The following LMO4 variants were observed in gnomAD, a reference collection of about 807,000 sequenced individuals.
The protein encoded by LMO4 is LIM domain transcription factor LMO4.
LMO4 carries 3 observed loss-of-function variants against 18.5 expected under a neutral mutation model. The ratio of observed to expected loss-of-function variants is 0.16; its 90% CI spans 0.07 to 0.42. The LOEUF (loss-of-function observed/expected upper bound fraction) is 0.42. Ranked by LOEUF, LMO4 falls within the 10% of genes least tolerant of loss-of-function variation. The pLI is 0.99. For missense variants in LMO4, 121 were observed against 219.9 expected (o/e 0.55, Z 2.84); for synonymous variants, 100 against 88.1 (o/e 1.14, Z -0.76).
chr1:87,344,405 TC>T (rs1650573206), intron 4 of LMO4, among the ~76,000 whole-genome samples: 1 of 152,188 alleles, frequency 6.6e-6, no homozygotes, highest in African/African-American at 2.4e-5. Flanking sequence ...ACCCAAAACT[TC>T]CTAGGTAGGA....
intron 2 of LMO4, among the ~76,000 whole-genome samples, chr1:87,334,699 G>A (rs1650247854): frequency 6.6e-6 from 1 of 152,084 alleles, no homozygotes; most frequent in Admixed American, 6.5e-5. Context: ...GGGAAAGGCC[G>A]GCCTGAGCGC....
At position 87,345,032 on chromosome 1, in the gene LMO4, G is replaced by GA. The variant is rs943594021; in HGVS notation, c.*242dup. ...GCTAATGGGAGACTGTAGAGAAAAT[G>GA]AAAAAAGATCCACCAGAGGACATCT... On this transcript the variant is annotated 3_prime_UTR_variant, in exon 5 of 5. Transcript: ENST00000370544. 6 of 151,402 alleles carry GA rather than the reference G, an allele frequency of 4.0e-5. No homozygotes were observed. Among genetic ancestry groups the GA allele is most frequent in the Non-Finnish European group, 1.4e-5 (1 of 71,128 alleles). 9.4% of individuals were successfully genotyped at this position (151,402 alleles called of 1,614,324 possible).
At chr1:87,337,265 TAGC>T (rs904270792) in intron 2 of LMO4, among the ~76,000 whole-genome samples, 5 of 152,234 alleles carry the variant, frequency 3.3e-5, no homozygotes, top group African/African-American at 1.2e-4. Flanking sequence ...AAGGTTATGA[TAGC>T]AGCCCTGGAA....
chr1:87,340,249 A>G (rs757112455), intron 4 of LMO4, 47 bp downstream of exon 4: 3 of 1,585,344 alleles, frequency 1.9e-6, no homozygotes, highest in Non-Finnish European at 2.6e-6. Context: ...GCAAGTTGGA[A>G]GGTTCAACCT....
rs1027599129 is a variant in LMO4, at chr1:87,347,667, A to G, written c.*2871A>G. ...CCCTGCTGAACTCCTGATAAAAAAA[A>G]TTATGTTTATGGTACATATAAATGT... On this transcript the variant is annotated 3_prime_UTR_variant, in exon 5 of 5. Coordinates refer to ENST00000370544, the MANE Select transcript of LMO4 (RefSeq NM_006769.4). 2.0e-5 allele frequency: 3 copies of G among 152,184 alleles called. No individual in the cohort carries two copies. The highest frequency in any genetic ancestry group is 4.8e-5 in the African/African-American group (2 of 41,416). The allele number at this position is 152,184 out of a possible 1,614,324, so 9.4% of individuals were successfully genotyped here.
rs150349514 is a variant in LMO4 at position 87,331,411 on chromosome 1, C to T, written c.-3-602C>T. 5.9e-3 allele frequency: 898 copies of T among 152,724 alleles called. 6 individuals carry two copies. The highest frequency in any genetic ancestry group is 1.0e-2 in the Non-Finnish European group (680 of 68,268). 9.5% of individuals were successfully genotyped at this position (152,724 alleles called of 1,614,324 possible). A position where few individuals can be genotyped will look rare whatever the true frequency, so the allele number is the denominator to read the frequency against. On this transcript the variant is annotated intron_variant, in intron 1 of 4. Transcript: ENST00000370544. ...TCCCATCACCACGCTCTCCGTCTCC[C>T]GTCTGCCGGTCCCTCCCTCGTTCCC... is the stretch of plus-strand genomic sequence containing the variant.
chr1:87,340,797 C>T (rs943462754), intron 4 of LMO4, among the ~76,000 whole-genome samples: 18 of 152,170 alleles, frequency 1.2e-4, no homozygotes, highest in African/African-American at 4.3e-4. Context: ...CTTGTTCTTG[C>T]TAACCCGCTT....
intron 4 of LMO4, among the ~76,000 whole-genome samples, chr1:87,341,232 A>G (rs894407516): frequency 3.3e-5 from 5 of 152,210 alleles, no homozygotes; most frequent in African/African-American, 1.2e-4. Flanking sequence ...CGCCACTTGC[A>G]TGGATATTAA....
chr1:87,335,494 G>A (rs898331271), intron 2 of LMO4, among the ~76,000 whole-genome samples: 2 of 151,956 alleles, frequency 1.3e-5, no homozygotes, highest in African/African-American at 4.8e-5. Flanking sequence ...GGGCGAGCGG[G>A]TCGCGCTTTC....
In LMO4 at chr1:87,348,100, G is replaced by GT. The variant is rs1650685808; in HGVS notation, c.*3305dup. On this transcript the variant is annotated 3_prime_UTR_variant, in exon 5 of 5. Coordinates refer to ENST00000370544, the MANE Select transcript of LMO4 (RefSeq NM_006769.4). ...AATGTCAATATAGTAAGATTCTAAT[G>GT]TGCACTACTATTTATATAAAATATT... 1 of 152,192 alleles carries GT rather than the reference G, an allele frequency of 6.6e-6. No individual in the cohort carries two copies. Among genetic ancestry groups the GT allele is most frequent in the African/African-American group, 2.4e-5 (1 of 41,428 alleles). 9.4% of individuals were successfully genotyped at this position (152,192 alleles called of 1,614,324 possible).
Position 87,332,351 on chromosome 1 carries a change from A to G in LMO4, c.236+100A>G, listed in dbSNP as rs1570649161. The G allele has an allele frequency of 3.5e-6, 3 of 862,912 alleles. No homozygotes were observed. In the East Asian group the frequency reaches 7.9e-5, roughly 23 times the overall value. The allele number at this position is 862,912 out of a possible 1,614,324, so 53.5% of individuals were successfully genotyped here. A position where few individuals can be genotyped will look rare whatever the true frequency, so the allele number is the denominator to read the frequency against. On this transcript the variant is annotated intron_variant, in intron 2 of 4. Transcript: ENST00000370544. The stretch of plus-strand genomic sequence containing the variant: ...AAAGGAGTAGGCGTCTACGGGGAGT[A>G]TGCAGCCTTCACCTCAAAAATCTTC...
rs915181257 is a variant in LMO4 at position 87,346,183 on chromosome 1, T to A, written c.*1387T>A. On this transcript the variant is annotated 3_prime_UTR_variant, in exon 5 of 5. Coordinates refer to ENST00000370544, the MANE Select transcript of LMO4 (RefSeq NM_006769.4). ...ATTTTGTTTTGCTCCTACACTTCTT[T>A]ACTGACTGCGTTTCCGTATGTATTT... 6.6e-6 allele frequency: 1 copy of A among 152,234 alleles called. No homozygotes were observed. The highest frequency in any genetic ancestry group is 1.5e-5 in the Non-Finnish European group (1 of 68,060). 9.4% of individuals were successfully genotyped at this position (152,234 alleles called of 1,614,324 possible). A position where few individuals can be genotyped will look rare whatever the true frequency, so the allele number is the denominator to read the frequency against.
At chr1:87,330,471 A>T (rs1467425659) in intron 1 of LMO4, among the ~76,000 whole-genome samples, 1 of 152,240 alleles carries the variant, frequency 6.6e-6, no homozygotes, top group Non-Finnish European at 1.5e-5. Context: ...TGGGTTTTAG[A>T]GTGGTCCTGT....
Position 87,344,961 on chromosome 1 carries a change from G to A in LMO4, c.*165G>A, listed in dbSNP as rs1650588201. ...GATTGCCCTTCCCGCATTTATTGGTGTATTAAAATGACTGAATATGAACAT... is the reference window on the plus strand; with the variant it reads ...GATTGCCCTTCCCGCATTTATTGGTATATTAAAATGACTGAATATGAACAT... On this transcript the variant is annotated 3_prime_UTR_variant, in exon 5 of 5. Coordinates refer to ENST00000370544, the MANE Select transcript of LMO4 (RefSeq NM_006769.4). 6.4e-6 allele frequency: 3 copies of A among 466,034 alleles called. No homozygotes were observed. The highest frequency in any genetic ancestry group is 1.2e-5 in the Non-Finnish European group (3 of 253,424). The allele number at this position is 466,034 out of a possible 1,614,324, so 28.9% of individuals were successfully genotyped here. A position where few individuals can be genotyped will look rare whatever the true frequency, so the allele number is the denominator to read the frequency against.
rs144272791 is a variant in LMO4 at position 87,347,348 on chromosome 1, G to A, written c.*2552G>A. 36 of 152,138 alleles carry A rather than the reference G, an allele frequency of 2.4e-4. No individual in the cohort carries two copies. The highest frequency in any genetic ancestry group is 3.4e-3 in the Middle Eastern group (1 of 294). 9.4% of individuals were successfully genotyped at this position (152,138 alleles called of 1,614,324 possible). On this transcript the variant is annotated 3_prime_UTR_variant, in exon 5 of 5. Transcript: ENST00000370544. ...AGAGGCATTTCAAACAATAAAACCC[G>A]GCTCTAATGGGGATGCTCTGTGTGG... is the stretch of plus-strand genomic sequence containing the variant.
Position 87,346,885 on chromosome 1 carries a change from C to A in LMO4, c.*2089C>A, listed in dbSNP as rs879857643. 6.6e-6 allele frequency: 1 copy of A among 151,978 alleles called. No individual in the cohort carries two copies. The highest frequency in any genetic ancestry group is 1.5e-5 in the Non-Finnish European group (1 of 67,992). 9.4% of individuals were successfully genotyped at this position (151,978 alleles called of 1,614,324 possible). The stretch of plus-strand genomic sequence containing the variant: ...TGTTTTTTTTCCTTTAAGGAACTTT[C>A]TGAAGGAAGTTAGACTGCGATGGTA... On this transcript the variant is annotated 3_prime_UTR_variant, in exon 5 of 5. Transcript: ENST00000370544.
intron 2 of LMO4, among the ~76,000 whole-genome samples, chr1:87,334,870 A>C (rs1226137258): frequency 6.6e-6 from 1 of 152,210 alleles, no homozygotes; most frequent in Admixed American, 6.5e-5. Context: ...AAAAGCTTTA[A>C]TTAGTGGCTC....
At chr1:87,333,964 A>T (rs1176473761) in intron 2 of LMO4, among the ~76,000 whole-genome samples, 1 of 151,682 alleles carries the variant, frequency 6.6e-6, no homozygotes, top group African/African-American at 2.4e-5. Flanking sequence ...AACAAAAAAC[A>T]AAAAAAACCC....
intron 3 of LMO4, 43 bp from the exon 4 acceptor site, chr1:87,340,004 T>G (rs771023616): frequency 1.9e-6 from 3 of 1,599,702 alleles, no homozygotes; most frequent in South Asian, 2.2e-5. Context: ...AAAAAAGACT[T>G]AATTTTTACC....
Sources: allele counts gnomAD v4.1 joint callset (sites outside exome capture counted in the v4.1 genomes callset), GRCh38; gene constraint gnomAD v4.1.1; transcripts MANE v1.5; gene names NCBI Gene and HGNC (gene_info 2026-07-23, HGNC 2026-07-21).